CDRT4: variants seen among roughly 807,000 people sequenced by gnomAD.
CDRT4 encodes the protein CMT1A duplicated region transcript 4, also known as CMT1A duplicated region transcript 4 protein.
For missense variants in CDRT4, 167 were observed against 193.1 expected (o/e 0.87, Z 0.80); for synonymous variants, 64 against 69.6 (o/e 0.92, Z 0.40).
intron 2 of CDRT4, among the ~76,000 whole-genome samples, chr17:15,451,592 G>A (rs946554022): frequency 1.3e-5 from 2 of 152,094 alleles, no homozygotes; most frequent in African/African-American, 4.8e-5. Flanking sequence ...CACTGTGCCC[G>A]GCCACACTGG....
chr17:15,444,593 T>C (rs1223885050), intron 2 of CDRT4, among the ~76,000 whole-genome samples: 2 of 152,182 alleles, frequency 1.3e-5, no homozygotes, highest in African/African-American at 4.8e-5. Flanking sequence ...TGGCTCACAC[T>C]GTAATCCCAG....
intron 1 of CDRT4, among the ~76,000 whole-genome samples, chr17:15,463,808 G>A (rs1041018830): frequency 1.2e-4 from 19 of 152,166 alleles, no homozygotes; most frequent in Admixed American, 1.2e-3. Flanking sequence ...AGAGATGTGG[G>A]TGGCCTGAGG....
In CDRT4 at chr17:15,438,042, C is replaced by T; in HGVS notation, c.190G>A (p.Ala64Thr). ...CMRALEERPWASRQNKPSSVI... is the reference protein window; with the variant it reads ...CMRALEERPWTSRQNKPSSVI... Reference sequence around the variant, plus strand: ...CTGGAAGGTTTATTCTGCCTTGATGCCCAGGGTCTTTCCTCGAGGGCACGC... The same window carrying T: ...CTGGAAGGTTTATTCTGCCTTGATGTCCAGGGTCTTTCCTCGAGGGCACGC... The change falls in exon 4 of 4, where the codon GCA becomes ACA. Residue 64 changes from alanine to threonine, a missense_variant. By Grantham distance (58) the Ala-to-Thr change is moderately conservative. Coordinates refer to ENST00000619038, the MANE Select transcript of CDRT4 (RefSeq NM_001204477.2). The T allele has an allele frequency of 6.2e-7, 1 of 1,614,144 alleles. No homozygotes were observed. Among genetic ancestry groups the T allele is most frequent in the Non-Finnish European group, 8.5e-7 (1 of 1,180,026 alleles).
Position 15,437,618 on chromosome 17 carries a change from TG to T in CDRT4, c.*154del. 1 of 749,876 alleles carries T rather than the reference TG, an allele frequency of 1.3e-6. No homozygotes were observed. Among genetic ancestry groups the T allele is most frequent in the Non-Finnish European group, 2.1e-6 (1 of 469,602 alleles). The allele number at this position is 749,876 out of a possible 1,614,324, so 46.5% of individuals were successfully genotyped here. On this transcript the variant is annotated 3_prime_UTR_variant, in exon 4 of 4. Coordinates refer to ENST00000619038, the MANE Select transcript of CDRT4 (RefSeq NM_001204477.2). ...CCCACCTACAGCTTGCATTCTGATC[TG>T]GTTTCTCTTAGCCAAGCTCCGCATG...
intron 3 of CDRT4, among the ~76,000 whole-genome samples, 199 bp from the exon 4 acceptor site, chr17:15,438,399 G>A (rs1978603114): frequency 6.7e-6 from 1 of 148,288 alleles, no homozygotes; most frequent in Admixed American, 6.7e-5. Context: ...AACAACGAAA[G>A]AATGGTAAGG....
intron 2 of CDRT4, among the ~76,000 whole-genome samples, chr17:15,448,331 C>A (rs1024039339): frequency 4.6e-5 from 7 of 152,336 alleles, no homozygotes; most frequent in African/African-American, 1.7e-4. Flanking sequence ...CTTTCCTAAC[C>A]CTTCCAGGAA....
At chr17:15,445,380 A>G (rs1214174539) in intron 2 of CDRT4, among the ~76,000 whole-genome samples, 2 of 152,200 alleles carry the variant, frequency 1.3e-5, no homozygotes, top group Non-Finnish European at 2.9e-5. Flanking sequence ...TAGAAAAAAA[A>G]TGCCATGTTA....
Position 15,437,923 on chromosome 17 carries a change from G to A in CDRT4, c.309C>T (p.Gly103=), listed in dbSNP as rs34381006. Residue 103 remains glycine (G), a synonymous_variant, in exon 4 of 4, where the codon GGC becomes GGT. Coordinates refer to ENST00000619038, the MANE Select transcript of CDRT4 (RefSeq NM_001204477.2). ...GAGCCATGGCCAATACCGAATAAGC[G>A]CCCCACATTGATAACGTGGATTCTG... The part of the protein sequence containing the change: ...TLSESTLSMW[G]AYSVLAMAPT... 8.2e-4 allele frequency: 1,323 copies of A among 1,614,110 alleles called. 8 individuals are homozygous for A. The African/African-American group carries it at 0.014, about 18-fold the overall frequency.
chr17:15,460,931 C>T (rs540475247), intron 1 of CDRT4, among the ~76,000 whole-genome samples: 52 of 152,030 alleles, frequency 3.4e-4, no homozygotes, highest in African/African-American at 1.2e-3. Context: ...CCTGTCAGTC[C>T]TCAAACTCAC....
At chr17:15,444,226 C>T (rs908118761) in intron 2 of CDRT4, 15 of 750,808 alleles carry the variant, frequency 2.0e-5, no homozygotes, top group African/African-American at 3.5e-5. Flanking sequence ...AAACAAGATG[C>T]CGGATGATTC....
At chr17:15,453,491 C>T (rs1006273587) in intron 1 of CDRT4, among the ~76,000 whole-genome samples, 1 of 152,172 alleles carries the variant, frequency 6.6e-6, no homozygotes, top group Non-Finnish European at 1.5e-5. Context: ...GTGTCAAATA[C>T]TTTTAAAATC....
At chr17:15,462,450 A>T (rs1051087140) in intron 1 of CDRT4, among the ~76,000 whole-genome samples, 1 of 150,724 alleles carries the variant, frequency 6.6e-6, no homozygotes, top group African/African-American at 2.4e-5. Flanking sequence ...AAAAAAAAAA[A>T]AGATTCTAAA....
At chr17:15,459,102 T>C (rs1437547703) in intron 1 of CDRT4, among the ~76,000 whole-genome samples, 1 of 152,222 alleles carries the variant, frequency 6.6e-6, no homozygotes, top group Non-Finnish European at 1.5e-5. Context: ...AGAACAGCTA[T>C]GCCAAACTGT....
intron 1 of CDRT4, among the ~76,000 whole-genome samples, chr17:15,466,540 T>TTTA (rs1980051944): frequency 6.6e-6 from 1 of 152,220 alleles, no homozygotes; most frequent in Non-Finnish European, 1.5e-5. Flanking sequence ...TAATTTTTAC[T>TTTA]TTTATAGAGA....
chr17:15,460,847 T>C (rs576594075), intron 1 of CDRT4, among the ~76,000 whole-genome samples: 1 of 152,002 alleles, frequency 6.6e-6, no homozygotes, highest in South Asian at 2.1e-4. Context: ...ACCTCTTAGA[T>C]CTCTCTGTTT....
At chr17:15,444,016 G>T in intron 2 of CDRT4, 1 of 797,010 alleles carries the variant, frequency 1.3e-6, no homozygotes. Context: ...ATGAGACCAA[G>T]TGTTGCCTGT....
At chr17:15,445,188 T>C (rs1978969152) in intron 2 of CDRT4, among the ~76,000 whole-genome samples, 1 of 152,206 alleles carries the variant, frequency 6.6e-6, no homozygotes, top group Admixed American at 6.5e-5. Context: ...ATCTAGTGTT[T>C]CCTAAACTGT....
rs1450485208 is a variant in CDRT4 at position 15,438,102 on chromosome 17, T to C, written c.130A>G (p.Ile44Val). 2 of 1,614,184 alleles carry C rather than the reference T, an allele frequency of 1.2e-6. No individual in the cohort carries two copies. Among genetic ancestry groups the C allele is most frequent in the East Asian group, 2.2e-5 (1 of 44,884 alleles). The change falls in exon 4 of 4, where the codon ATT becomes GTT. Residue 44 changes from isoleucine to valine, a missense_variant. Ile to Val is a conservative substitution (Grantham distance 29, BLOSUM62 3). Transcript: ENST00000619038. ...TYTSQTVKRL[I>V]EKSKTRELEC... Reference sequence around the variant, plus strand: ...AGTTCTCTAGTTTTGCTTTTCTCAATGAGTCTTTTCACTGTCTGAGAGGTA... The same window carrying C: ...AGTTCTCTAGTTTTGCTTTTCTCAACGAGTCTTTTCACTGTCTGAGAGGTA...
At chr17:15,459,487 T>C (rs145921550) in intron 1 of CDRT4, among the ~76,000 whole-genome samples, 2,848 of 137,990 alleles carry the variant, frequency 0.021, 88 homozygotes, top group African/African-American at 0.069. Context: ...CTCTGTCACC[T>C]AGGCTGGAGT....
Sources: allele counts gnomAD v4.1 joint callset (sites outside exome capture counted in the v4.1 genomes callset), GRCh38; gene constraint gnomAD v4.1.1; transcripts MANE v1.5; gene names NCBI Gene and HGNC (gene_info 2026-07-23, HGNC 2026-07-21).